Variants in SHISA9 observed in about 807,000 individuals in gnomAD.
The protein encoded by SHISA9 is protein shisa-9.
Under a neutral mutation model 38.0 loss-of-function variants are expected in SHISA9, and 13 were observed. The ratio of observed to expected loss-of-function variants is 0.34; its 90% CI spans 0.22 to 0.54. SHISA9 has a LOEUF of 0.54. Among genes scored for constraint, SHISA9 ranks in the 20% least tolerant of loss-of-function variants. The probability of loss-of-function intolerance (pLI) is 0.91; values close to 1 mark genes in which losing one functional copy is unlikely to be tolerated. For missense variants in SHISA9, 538 were observed against 575.8 expected, an observed-to-expected ratio of 0.93 and a Z score of 0.67; for synonymous variants, 275 against 242.0, an observed-to-expected ratio of 1.14 and a Z score of -1.27.
chr16:13,055,789 T>C (rs141714479), intron 2 of SHISA9, among the ~76,000 whole-genome samples: 36 of 152,320 alleles, frequency 2.4e-4, no homozygotes, highest in African/African-American at 7.0e-4. Context: ...AAAGCTGATA[T>C]TCCCTTAACT....
At chr16:13,112,761 C>A (rs2073992096) in intron 2 of SHISA9, among the ~76,000 whole-genome samples, 1 of 151,990 alleles carries the variant, frequency 6.6e-6, no homozygotes, top group Non-Finnish European at 1.5e-5. Flanking sequence ...CTTTCAGAGG[C>A]CATTAAAAGG....
intron 2 of SHISA9, among the ~76,000 whole-genome samples, chr16:13,103,476 G>A (rs2141959368): frequency 6.6e-6 from 1 of 152,304 alleles, no homozygotes; most frequent in African/African-American, 2.4e-5. Flanking sequence ...TAATGAATGG[G>A]AAGAAAGCCA....
intron 2 of SHISA9, among the ~76,000 whole-genome samples, chr16:12,942,247 G>A (rs939300506): frequency 4.6e-5 from 7 of 152,206 alleles, no homozygotes; most frequent in African/African-American, 1.7e-4. Flanking sequence ...TCCTCGGGAC[G>A]GGAGAGTGGA....
At chr16:13,222,891 G>C (rs2051242568) in intron 4 of SHISA9, among the ~76,000 whole-genome samples, 1 of 151,874 alleles carries the variant, frequency 6.6e-6, no homozygotes, top group African/African-American at 2.4e-5. Context: ...ATTTTCTGAT[G>C]ACGACAGAAA....
At chr16:12,992,510 C>T (rs186894834) in intron 2 of SHISA9, among the ~76,000 whole-genome samples, 17 of 151,872 alleles carry the variant, frequency 1.1e-4, no homozygotes, top group African/African-American at 2.7e-4. Context: ...CCAGCCTGGG[C>T]GACAGAGTAA....
At chr16:13,465,680 G>T in the SHISA9 span, among the ~76,000 whole-genome samples, 1 of 152,156 alleles carries the variant, frequency 6.6e-6, no homozygotes, top group Admixed American at 6.5e-5. Flanking sequence ...TTATCTCAAG[G>T]TGATACACCT....
chr16:13,187,336 T>TCTTTTCTTTTTTC (rs1194713899), intron 2 of SHISA9, among the ~76,000 whole-genome samples: 89 of 116,256 alleles, frequency 7.7e-4, no homozygotes, highest in Middle Eastern at 5.3e-3. Context: ...TTCTTTTTTT[T>TCTTTTCTTTTTTC]TTTTTTTTTT....
the SHISA9 span, among the ~76,000 whole-genome samples, chr16:13,472,614 G>T: frequency 6.6e-6 from 1 of 151,792 alleles, no homozygotes; most frequent in Non-Finnish European, 1.5e-5. Flanking sequence ...GGAAGATCTT[G>T]ATCTCCTGAC....
chr16:13,560,309 G>C, the SHISA9 span, among the ~76,000 whole-genome samples: 1 of 152,316 alleles, frequency 6.6e-6, no homozygotes, highest in East Asian at 1.9e-4. Flanking sequence ...ACTGGCTTAA[G>C]TCATGTGGTC....
chr16:12,960,266 C>T (rs1268572475), intron 2 of SHISA9, among the ~76,000 whole-genome samples: 5 of 152,166 alleles, frequency 3.3e-5, no homozygotes, highest in African/African-American at 7.2e-5. Flanking sequence ...AGGCAATTTG[C>T]AAATATCCAT....
the SHISA9 span, among the ~76,000 whole-genome samples, chr16:13,273,407 T>G: frequency 6.6e-6 from 1 of 152,158 alleles, no homozygotes; most frequent in East Asian, 1.9e-4. Context: ...GGGGCTGGTC[T>G]TTCCTGTGCT....
chr16:13,425,703 A>AT, the SHISA9 span, among the ~76,000 whole-genome samples: 4 of 152,238 alleles, frequency 2.6e-5, no homozygotes, highest in African/African-American at 7.2e-5. Context: ...TTAAAGAGAA[A>AT]GAACCACTCA....
At chr16:13,469,423 AAAAGAAAGAAAGAG>A in the SHISA9 span, among the ~76,000 whole-genome samples, 1,055 of 115,628 alleles carry the variant, frequency 9.1e-3, 47 homozygotes, top group South Asian at 0.02. Flanking sequence ...GAAAGAAAGA[AAAAGAAAGAAAGAG>A]AAAGAAAGAG....
At chr16:13,379,340 G>C in the SHISA9 span, among the ~76,000 whole-genome samples, 6 of 152,336 alleles carry the variant, frequency 3.9e-5, no homozygotes, top group South Asian at 2.1e-4. Context: ...TCTCTCTGAT[G>C]GTGATTAAGA....
chr16:13,064,283 G>C (rs2073408829), intron 2 of SHISA9, among the ~76,000 whole-genome samples: 1 of 152,156 alleles, frequency 6.6e-6, no homozygotes, highest in African/African-American at 2.4e-5. Flanking sequence ...CTATGTGCTA[G>C]GTACTTTTAT....
chr16:13,272,243 G>T, the SHISA9 span, among the ~76,000 whole-genome samples: 1 of 152,030 alleles, frequency 6.6e-6, no homozygotes, highest in Non-Finnish European at 1.5e-5. Flanking sequence ...AAGCAATAAA[G>T]TAGGAAGAAA....
chr16:13,278,281 G>A, the SHISA9 span, among the ~76,000 whole-genome samples: 1 of 151,944 alleles, frequency 6.6e-6, no homozygotes, highest in African/African-American at 2.4e-5. Flanking sequence ...TGATCATGGT[G>A]GATTATTTTT....
chr16:13,292,066 GTC>G, the SHISA9 span, among the ~76,000 whole-genome samples: 3 of 151,272 alleles, frequency 2.0e-5, no homozygotes, highest in Admixed American at 1.3e-4. Context: ...CATGATCAAT[GTC>G]TTCTGCTTGA....
the SHISA9 span, among the ~76,000 whole-genome samples, chr16:13,469,314 GAGAGAGAGAA>G: frequency 9.6e-4 from 102 of 106,478 alleles, 1 homozygote; most frequent in East Asian, 4.1e-3. Context: ...GAGAGAGAGA[GAGAGAGAGAA>G]AGAAAGAAAG....
Sources: allele counts gnomAD v4.1 joint callset (sites outside exome capture counted in the v4.1 genomes callset), GRCh38; gene constraint gnomAD v4.1.1; transcripts MANE v1.5; gene names NCBI Gene and HGNC (gene_info 2026-07-23, HGNC 2026-07-21).